The following RASA2 variants were observed in gnomAD, a reference collection of about 807,000 sequenced individuals.
RASA2 encodes the protein ras GTPase-activating protein 2.
RASA2 carries 155 observed loss-of-function variants against 118.2 expected under a neutral mutation model. The ratio of observed to expected loss-of-function variants is 1.31; its 90% confidence interval spans 1.15 to 1.50. The LOEUF is 1.50. Ranked by LOEUF, RASA2 falls within the 40% of genes most tolerant of loss-of-function variation. The pLI, the probability that RASA2 is intolerant of heterozygous loss-of-function variation, is 0.00. For missense variants in RASA2, 1,016 were observed against 1,009.6 expected (o/e 1.01, Z -0.09); for synonymous variants, 353 against 349.1 (o/e 1.01, Z -0.12).
At chr3:141,509,720 G>T (rs1221622331) in intron 1 of RASA2, among the ~76,000 whole-genome samples, 1 of 152,230 alleles carries the variant, frequency 6.6e-6, no homozygotes, top group Admixed American at 6.5e-5. Context: ...GGACAAGAGG[G>T]AATGGGGTAG....
chr3:141,566,050 T>A (rs1032417388), intron 9 of RASA2, among the ~76,000 whole-genome samples: 6 of 152,244 alleles, frequency 3.9e-5, no homozygotes, highest in Admixed American at 6.5e-5. Flanking sequence ...TTCCTCCTTC[T>A]ATTTTTAAAT....
At chr3:141,523,171 C>T (rs1194031473) in intron 3 of RASA2, among the ~76,000 whole-genome samples, 1 of 151,710 alleles carries the variant, frequency 6.6e-6, no homozygotes, top group East Asian at 1.9e-4. Flanking sequence ...CCCTGTTGTC[C>T]AGGCTGGAGT....
intron 3 of RASA2, among the ~76,000 whole-genome samples, chr3:141,517,586 T>C (rs920620409): frequency 1.3e-5 from 2 of 152,154 alleles, no homozygotes; most frequent in African/African-American, 4.8e-5. Context: ...CCTCCAACAG[T>C]GGGATTACAG....
intron 6 of RASA2, among the ~76,000 whole-genome samples, chr3:141,555,255 T>C (rs748169605): frequency 6.7e-6 from 1 of 150,200 alleles, no homozygotes; most frequent in Non-Finnish European, 1.5e-5. Context: ...CGAGCAAAAC[T>C]CCATCTCAAA....
At chr3:141,592,127 A>G (rs2107783297) in intron 19 of RASA2, among the ~76,000 whole-genome samples, 1 of 152,328 alleles carries the variant, frequency 6.6e-6, no homozygotes, top group South Asian at 2.1e-4. Flanking sequence ...AAAAAGAAGC[A>G]GGGACAAGGT....
Position 141,570,632 on chromosome 3 carries a change from T to C in RASA2, c.864-280T>C, listed in dbSNP as rs183777931. ...CTTTTATTATCATTTTTTCTAAACC[T>C]GCAAGCTAATCAAACTCTTGTTCAA... On this transcript the variant is annotated intron_variant, in intron 9 of 23. Transcript: ENST00000286364. Among the ~76,000 whole-genome samples the C allele has an allele frequency of 5.0e-4, 76 of 152,362 alleles. 2 individuals are homozygous for C. The highest frequency in any genetic ancestry group is 4.8e-3 in the Admixed American group (74 of 15,302).
chr3:141,506,776 C>T (rs1353914629), intron 1 of RASA2, among the ~76,000 whole-genome samples: 1 of 151,924 alleles, frequency 6.6e-6, no homozygotes, highest in Non-Finnish European at 1.5e-5. Flanking sequence ...ATTAGTCAGG[C>T]ATGGTGGTAT....
At chr3:141,512,307 A>G in intron 2 of RASA2, 27 bp downstream of exon 2, 3 of 1,408,808 alleles carry the variant, frequency 2.1e-6, no homozygotes, top group Non-Finnish European at 3.0e-6. Flanking sequence ...GGTAAATTAT[A>G]ATTTTTACTA....
intron 19 of RASA2, among the ~76,000 whole-genome samples, chr3:141,594,465 A>T: frequency 6.6e-6 from 1 of 152,140 alleles, no homozygotes. Context: ...GATAAACGCA[A>T]AGGAAACCGC....
chr3:141,487,948 G>C (rs1266975957), intron 1 of RASA2, among the ~76,000 whole-genome samples: 2 of 152,142 alleles, frequency 1.3e-5, no homozygotes, highest in Non-Finnish European at 2.9e-5. Context: ...GTGGCTTCCT[G>C]TGAGCAGGTC....
chr3:141,497,154 G>A (rs1175325406), intron 1 of RASA2, among the ~76,000 whole-genome samples: 4 of 137,242 alleles, frequency 2.9e-5, no homozygotes, highest in East Asian at 4.6e-4. Context: ...ATCACACACC[G>A]GGGCCTGTCG....
At chr3:141,599,055 TC>T (rs1577814510) in intron 19 of RASA2, among the ~76,000 whole-genome samples, 1 of 152,060 alleles carries the variant, frequency 6.6e-6, no homozygotes, top group East Asian at 1.9e-4. Flanking sequence ...GCCACTGCAC[TC>T]CAGCCCCGGC....
At chr3:141,563,940 G>T (rs1028807676) in intron 9 of RASA2, among the ~76,000 whole-genome samples, 12 of 149,938 alleles carry the variant, frequency 8.0e-5, no homozygotes, top group African/African-American at 2.4e-5. Flanking sequence ...CTTTTCAAGG[G>T]ATGGGTAAAA....
At chr3:141,554,640 G>A (rs1560028180) in intron 6 of RASA2, among the ~76,000 whole-genome samples, 1 of 152,106 alleles carries the variant, frequency 6.6e-6, no homozygotes, top group African/African-American at 2.4e-5. Context: ...ACACATACAT[G>A]CATACATACA....
At chr3:141,599,405 CCT>C (rs1445707489) in intron 19 of RASA2, among the ~76,000 whole-genome samples, 1 of 151,872 alleles carries the variant, frequency 6.6e-6, no homozygotes, top group African/African-American at 2.4e-5. Context: ...AACAGGACAC[CCT>C]CTCACGTGCA....
intron 9 of RASA2, among the ~76,000 whole-genome samples, chr3:141,564,011 G>A (rs2082779160): frequency 7.0e-6 from 1 of 143,460 alleles, no homozygotes; most frequent in Admixed American, 7.1e-5. Flanking sequence ...GAGATATTTT[G>A]TCTATGGGGA....
intron 14 of RASA2, among the ~76,000 whole-genome samples, chr3:141,575,165 A>G (rs2082991316): frequency 6.6e-6 from 1 of 152,170 alleles, no homozygotes; most frequent in African/African-American, 2.4e-5. Context: ...GCAAAACTGT[A>G]AGTTTATTTC....
intron 4 of RASA2, among the ~76,000 whole-genome samples, chr3:141,534,537 C>T (rs950515042): frequency 1.3e-5 from 2 of 151,974 alleles, no homozygotes; most frequent in African/African-American, 2.4e-5. Flanking sequence ...TCTTTACCAA[C>T]AAGCATATCT....
At chr3:141,525,768 C>T (rs2082176605) in intron 3 of RASA2, 1 of 151,804 alleles carries the variant, frequency 6.6e-6, no homozygotes, top group Admixed American at 6.6e-5. Context: ...AATCATGCCA[C>T]TACACTCCAT....
Sources: allele counts gnomAD v4.1 joint callset (sites outside exome capture counted in the v4.1 genomes callset), GRCh38; gene constraint gnomAD v4.1.1; transcripts MANE v1.5; gene names NCBI Gene and HGNC (gene_info 2026-07-23, HGNC 2026-07-21).